The following FGD3 variants were observed in gnomAD, a reference collection of about 807,000 sequenced individuals.
FGD3 encodes the protein FYVE, RhoGEF and PH domain containing 3.
In FGD3, 45 loss-of-function variants were observed where a neutral mutation model predicts 71.8. The observed-to-expected ratio is 0.63, with a 90% CI of 0.49 to 0.80. The LOEUF (loss-of-function observed/expected upper bound fraction) is 0.80. FGD3 is among the 30% of genes least tolerant of loss of function. The probability of loss-of-function intolerance (pLI) is 0.00; values close to 1 mark genes in which losing one functional copy is unlikely to be tolerated. For synonymous variants in FGD3, 378 were observed against 392.8 expected (o/e 0.96, Z 0.44); for missense variants, 844 against 951.5 (o/e 0.89, Z 1.49).
chr9:93,025,372 T>C (rs1862079329), intron 14 of FGD3, among the ~76,000 whole-genome samples: 1 of 152,174 alleles, frequency 6.6e-6, no homozygotes, highest in South Asian at 2.1e-4. Flanking sequence ...TGGCCTGGCC[T>C]GGCCCTGTGT....
chr9:93,024,033 C>T (rs1042070196), intron 14 of FGD3, among the ~76,000 whole-genome samples: 34 of 152,028 alleles, frequency 2.2e-4, no homozygotes, highest in Non-Finnish European at 2.8e-4. Context: ...AATCTCTTGA[C>T]CTTGTGATCC....
At chr9:93,018,669 A>G (rs1378242664) in intron 11 of FGD3, among the ~76,000 whole-genome samples, 1 of 152,200 alleles carries the variant, frequency 6.6e-6, no homozygotes, top group Non-Finnish European at 1.5e-5. Flanking sequence ...GAACTCAGAT[A>G]AAACAAATGT....
chr9:93,000,553 T>C (rs892655271), intron 3 of FGD3, among the ~76,000 whole-genome samples: 1 of 152,236 alleles, frequency 6.6e-6, no homozygotes, highest in Non-Finnish European at 1.5e-5. Context: ...TTTTATCAAA[T>C]ACAATATTCT....
chr9:93,029,772 C>T, intron 14 of FGD3, 102 bp from the exon 15 acceptor site: 1 of 1,474,422 alleles, frequency 6.8e-7, no homozygotes, highest in South Asian at 1.2e-5. Context: ...TGCCTTGAGC[C>T]TGTGTGGCTT....
rs917748945 is a variant in FGD3 at position 92,953,228 on chromosome 9, T to TA, written c.-218+5509dup. On this transcript the variant is annotated intron_variant, in intron 1 of 17. Transcript: ENST00000375482. Reference sequence around the variant, plus strand: ...ACATTGATAATTTTTTCCTACAGGGTAAAAAAAAAATGCACCAGATGCAGC... The same window carrying TA: ...ACATTGATAATTTTTTCCTACAGGGTAAAAAAAAAAATGCACCAGATGCAGC... Among the ~76,000 whole-genome samples the TA allele has an allele frequency of 4.2e-4, 63 of 149,478 alleles. No individual in the cohort carries two copies. In the East Asian group the frequency reaches 5.1e-3, roughly 12 times the overall value.
At position 93,020,327 on chromosome 9, in the gene FGD3, C is replaced by G. The variant is rs140948540; in HGVS notation, c.1397C>G (p.Ala466Gly). ...TGTTGCTGTGTCCAGATCATCCAGG[C>G]CACCATCGAGAAGCACAAACAGAAC... is the stretch of plus-strand genomic sequence containing the variant. ...EKKEWIQIIQ[A>G]TIEKHKQNSE... is the part of the protein sequence containing the mutation. Residue 466 changes from alanine to glycine, a missense_variant, in exon 13 of 18, where the codon GCC becomes GGC. Transcript: ENST00000375482. 115 of 1,611,506 alleles carry G rather than the reference C, an allele frequency of 7.1e-5. No individual in the cohort carries two copies. Among genetic ancestry groups the G allele is most frequent in the Admixed American group, 2.2e-4 (13 of 59,542 alleles).
intron 17 of FGD3, 151 bp from the exon 18 acceptor site, chr9:93,035,187 G>A: frequency 8.7e-7 from 1 of 1,148,238 alleles, no homozygotes; most frequent in Admixed American, 2.9e-5. Flanking sequence ...ACAAAAGGCA[G>A]TGCAGGCACA....
intron 14 of FGD3, among the ~76,000 whole-genome samples, chr9:93,024,148 G>A (rs958539411): frequency 3.3e-5 from 5 of 152,176 alleles, no homozygotes; most frequent in African/African-American, 1.2e-4. Context: ...GTGTGAGGCT[G>A]GCTGTGCCCC....
At chr9:93,014,434 C>T (rs936506198) in intron 9 of FGD3, among the ~76,000 whole-genome samples, 1 of 151,970 alleles carries the variant, frequency 6.6e-6, no homozygotes, top group Non-Finnish European at 1.5e-5. Flanking sequence ...GGTGCCATGG[C>T]GCGGTAGAAA....
At chr9:92,994,753 T>C (rs1860561680) in intron 3 of FGD3, among the ~76,000 whole-genome samples, 1 of 152,256 alleles carries the variant, frequency 6.6e-6, no homozygotes, top group Non-Finnish European at 1.5e-5. Flanking sequence ...TTGCTTGTTT[T>C]AGTCAGGTGT....
intron 3 of FGD3, among the ~76,000 whole-genome samples, chr9:92,989,251 A>G (rs1041008934): frequency 2.0e-5 from 3 of 152,026 alleles, no homozygotes; most frequent in East Asian, 1.9e-4. Context: ...GGGTTTCACC[A>G]TGTTAGCCAG....
At chr9:92,973,459 A>G (rs1859612114) in intron 1 of FGD3, among the ~76,000 whole-genome samples, 1 of 152,038 alleles carries the variant, frequency 6.6e-6, no homozygotes, top group Admixed American at 6.5e-5. Context: ...TGGGAATTTT[A>G]CCTTGCCATG....
chr9:92,979,378 G>A (rs550836039), intron 3 of FGD3, among the ~76,000 whole-genome samples: 1 of 152,216 alleles, frequency 6.6e-6, no homozygotes, highest in South Asian at 2.1e-4. Context: ...TGTGGCTTTT[G>A]TCCCTCATTC....
chr9:92,998,780 G>A (rs1299363935), intron 3 of FGD3, among the ~76,000 whole-genome samples: 1 of 152,196 alleles, frequency 6.6e-6, no homozygotes, highest in Non-Finnish European at 1.5e-5. Context: ...GGAGGCTGCA[G>A]AACAGCAAAT....
chr9:92,993,375 A>G (rs917387220), intron 3 of FGD3, among the ~76,000 whole-genome samples: 2 of 152,082 alleles, frequency 1.3e-5, no homozygotes, highest in Non-Finnish European at 2.9e-5. Flanking sequence ...CTTTCAGCCT[A>G]TGTGTGTCCT....
chr9:92,958,770 T>G (rs1859111343), intron 1 of FGD3, among the ~76,000 whole-genome samples: 1 of 152,216 alleles, frequency 6.6e-6, no homozygotes, highest in Non-Finnish European at 1.5e-5. Context: ...AAGGTTTGTA[T>G]TTTGGTACGG....
At chr9:93,002,396 C>A (rs910812941) in intron 3 of FGD3, among the ~76,000 whole-genome samples, 1 of 152,006 alleles carries the variant, frequency 6.6e-6, no homozygotes, top group Non-Finnish European at 1.5e-5. Flanking sequence ...CCAGCCTGGG[C>A]AACATGGCAA....
chr9:93,017,112 TA>T (rs1367141027), intron 10 of FGD3, among the ~76,000 whole-genome samples: 1 of 151,968 alleles, frequency 6.6e-6, no homozygotes, highest in Non-Finnish European at 1.5e-5. Context: ...CTATAAAAAA[TA>T]AAAAATTAGC....
chr9:93,012,841 C>A (rs951574421), intron 8 of FGD3, among the ~76,000 whole-genome samples: 2 of 152,168 alleles, frequency 1.3e-5, no homozygotes, highest in Non-Finnish European at 2.9e-5. Flanking sequence ...TCACCCAGCC[C>A]CCTGGGACAT....
Sources: allele counts gnomAD v4.1 joint callset (sites outside exome capture counted in the v4.1 genomes callset), GRCh38; gene constraint gnomAD v4.1.1; transcripts MANE v1.5; gene names NCBI Gene and HGNC (gene_info 2026-07-23, HGNC 2026-07-21).